The following NCOA3 variants were observed in gnomAD, a reference collection of about 807,000 sequenced individuals.
The protein encoded by NCOA3 is CBP-interacting protein.
NCOA3 carries 51 observed loss-of-function variants against 158.8 expected under a neutral mutation model. The ratio of observed to expected loss-of-function variants is 0.32; its 90% confidence interval spans 0.26 to 0.41. The LOEUF (loss-of-function observed/expected upper bound fraction) is 0.41. Ranked by LOEUF, NCOA3 falls within the 10% of genes least tolerant of loss-of-function variation. NCOA3 has a pLI of 1.00. For missense variants in NCOA3, 1,510 were observed against 1,746.6 expected (o/e 0.86, Z 2.41); for synonymous variants, 537 against 592.4 (o/e 0.91, Z 1.36).
In NCOA3 at chr20:47,653,632, A is replaced by T. The variant is rs981925551; in HGVS notation, c.*215A>T. On this transcript the variant is annotated 3_prime_UTR_variant, in exon 23 of 23. Transcript: ENST00000371998. ...TTTTTCCCCCCTCCTTCTGCTGTGTATCATGGTGTTCAAAACAGAAATGTT... is the reference window on the plus strand; with the variant it reads ...TTTTTCCCCCCTCCTTCTGCTGTGTTTCATGGTGTTCAAAACAGAAATGTT... The T allele has an allele frequency of 3.4e-6, 2 of 587,474 alleles. No homozygotes were observed. The highest frequency in any genetic ancestry group is 1.8e-5 in the African/African-American group (1 of 54,082). 36.4% of individuals were successfully genotyped at this position (587,474 alleles called of 1,614,324 possible). A position where few individuals can be genotyped will look rare whatever the true frequency, so the allele number is the denominator to read the frequency against.
intron 1 of NCOA3, among the ~76,000 whole-genome samples, chr20:47,570,295 G>T (rs573959914): frequency 1.3e-5 from 2 of 152,064 alleles, no homozygotes. Flanking sequence ...ACAAAAATTA[G>T]CCAGGTGTGG....
At chr20:47,604,134 A>G (rs1216608238) in intron 2 of NCOA3, among the ~76,000 whole-genome samples, 1 of 152,146 alleles carries the variant, frequency 6.6e-6, no homozygotes, top group African/African-American at 2.4e-5. Flanking sequence ...TCTGTCTGTA[A>G]ATGGTACAGT....
chr20:47,618,370 T>TTTTA (rs1555811916), intron 2 of NCOA3, among the ~76,000 whole-genome samples: 8,645 of 141,608 alleles, frequency 0.061, 441 homozygotes, highest in African/African-American at 0.093. Context: ...TTTTTTTTTT[T>TTTTA]ATAGACAGAA....
At chr20:47,593,523 T>G (rs966066715) in intron 2 of NCOA3, among the ~76,000 whole-genome samples, 1 of 150,948 alleles carries the variant, frequency 6.6e-6, no homozygotes, top group Non-Finnish European at 1.5e-5. Flanking sequence ...TTTTGTATTT[T>G]TAGTAGAGAT....
At chr20:47,575,737 CAATG>C (rs1568695756) in intron 1 of NCOA3, among the ~76,000 whole-genome samples, 1 of 152,146 alleles carries the variant, frequency 6.6e-6, no homozygotes, top group Non-Finnish European at 1.5e-5. Context: ...AAATTTAAGT[CAATG>C]AGTCTGTTAA....
In NCOA3 at chr20:47,621,654, ATTT is replaced by A. The variant is rs749582388; in HGVS notation, c.-19-560_-19-558del. Among the ~76,000 whole-genome samples the A allele has an allele frequency of 1.5e-3, 181 of 119,780 alleles. 3 individuals carry two copies. The highest frequency in any genetic ancestry group is 0.01 in the Admixed American group (118 of 11,392). The allele number at this position is 119,780 out of a possible 152,430, so 78.6% of individuals were successfully genotyped here. The stretch of plus-strand genomic sequence containing the variant: ...AGCATACTATTTTTCCATCAGTCAA[ATTT>A]TTTTTTTTTTTTTTGAGACGGAGTC... On this transcript the variant is annotated intron_variant, in intron 2 of 22. Coordinates refer to ENST00000371998, the MANE Select transcript of NCOA3 (RefSeq NM_181659.3).
In NCOA3 at chr20:47,634,280, T is replaced by A. The variant is rs1243510655; in HGVS notation, c.1112+85T>A. On this transcript the variant is annotated intron_variant, in intron 10 of 22. Transcript: ENST00000371998. ...ATTATTAAAGTAAAAAGGGAAGGGATAAAATGAGACAAAATTTAGGAAGGT... is the reference window on the plus strand; with the variant it reads ...ATTATTAAAGTAAAAAGGGAAGGGAAAAAATGAGACAAAATTTAGGAAGGT... The A allele has an allele frequency of 5.9e-6, 8 of 1,356,902 alleles. No individual in the cohort carries two copies. In the East Asian group the frequency reaches 1.9e-4, roughly 31 times the overall value. The allele number at this position is 1,356,902 out of a possible 1,614,324, so 84.1% of individuals were successfully genotyped here.
At chr20:47,513,110 A>T (rs1602322850) in intron 1 of NCOA3, among the ~76,000 whole-genome samples, 1 of 151,996 alleles carries the variant, frequency 6.6e-6, no homozygotes, top group East Asian at 1.9e-4. Context: ...CAGAGGTTGC[A>T]GTGAGCCGAG....
At chr20:47,576,533 A>G (rs66789175) in intron 1 of NCOA3, among the ~76,000 whole-genome samples, 1 of 152,248 alleles carries the variant, frequency 6.6e-6, no homozygotes, top group Non-Finnish European at 1.5e-5. Context: ...CTCCCCTCAA[A>G]CACCTGTTTA....
At chr20:47,569,487 C>T (rs922946910) in intron 1 of NCOA3, among the ~76,000 whole-genome samples, 16 of 151,792 alleles carry the variant, frequency 1.1e-4, no homozygotes, top group African/African-American at 3.6e-4. Flanking sequence ...TGAGACCAGC[C>T]TGGCTAACAT....
rs569975674 is a variant in NCOA3 at position 47,523,367 on chromosome 20, A to G, written c.-99+21348A>G. Reference sequence around the variant, plus strand: ...TAGGGCTCCTTCTGGGGTTGATCCAAGGGTCTTCGGAGGAATGGCTGGCCT... The same window carrying G: ...TAGGGCTCCTTCTGGGGTTGATCCAGGGGTCTTCGGAGGAATGGCTGGCCT... On this transcript the variant is annotated intron_variant, in intron 1 of 22. Transcript: ENST00000371998. Among the ~76,000 whole-genome samples the G allele has an allele frequency of 2.1e-3, 313 of 152,260 alleles. 2 individuals are homozygous for G. The highest frequency in any genetic ancestry group is 9.3e-3 in the South Asian group (45 of 4,816).
At chr20:47,561,566 G>A (rs1210136102) in intron 1 of NCOA3, among the ~76,000 whole-genome samples, 1 of 151,118 alleles carries the variant, frequency 6.6e-6, no homozygotes, top group Non-Finnish European at 1.5e-5. Context: ...TGATCCTCTT[G>A]CCTCAGCTTC....
intron 1 of NCOA3, among the ~76,000 whole-genome samples, chr20:47,515,796 C>A (rs944612684): frequency 6.6e-6 from 1 of 152,104 alleles, no homozygotes; most frequent in Admixed American, 6.6e-5. Context: ...CCAATATTAT[C>A]ATCAATCAAT....
At chr20:47,561,463 A>G (rs2085105045) in intron 1 of NCOA3, among the ~76,000 whole-genome samples, 1 of 151,008 alleles carries the variant, frequency 6.6e-6, no homozygotes, top group Non-Finnish European at 1.5e-5. Flanking sequence ...CAGCACACCC[A>G]GCTAATTTTT....
chr20:47,551,610 A>G (rs906645527), intron 1 of NCOA3, among the ~76,000 whole-genome samples: 8 of 152,226 alleles, frequency 5.3e-5, no homozygotes, highest in African/African-American at 1.7e-4. Context: ...GCTGGAAGAT[A>G]AATTTTCTTA....
At chr20:47,598,136 A>G (rs1016004124) in intron 2 of NCOA3, among the ~76,000 whole-genome samples, 1 of 148,252 alleles carries the variant, frequency 6.7e-6, no homozygotes, top group Non-Finnish European at 1.5e-5. Flanking sequence ...AGTCCCAGCT[A>G]CTCTGGAGGC....
chr20:47,589,772 T>C (rs903406554), intron 2 of NCOA3, among the ~76,000 whole-genome samples: 4 of 152,162 alleles, frequency 2.6e-5, no homozygotes, highest in Non-Finnish European at 4.4e-5. Context: ...GGAATACTTA[T>C]AAATTTGGAT....
At chr20:47,519,301 G>A (rs112557844) in intron 1 of NCOA3, among the ~76,000 whole-genome samples, 1 of 151,072 alleles carries the variant, frequency 6.6e-6, no homozygotes, top group African/African-American at 2.4e-5. Flanking sequence ...GCGTGGTGGC[G>A]TGTGCCTGTA....
intron 2 of NCOA3, among the ~76,000 whole-genome samples, chr20:47,593,939 GT>G (rs1391804807): frequency 6.6e-6 from 1 of 152,112 alleles, no homozygotes; most frequent in African/African-American, 2.4e-5. Context: ...AATTTCTAAA[GT>G]TTAAAGGTAA....
Sources: allele counts gnomAD v4.1 joint callset (sites outside exome capture counted in the v4.1 genomes callset), GRCh38; gene constraint gnomAD v4.1.1; transcripts MANE v1.5; gene names NCBI Gene and HGNC (gene_info 2026-07-23, HGNC 2026-07-21).